HELLS: variants seen among roughly 807,000 people sequenced by gnomAD.
HELLS encodes the protein lymphoid-specific helicase.
In HELLS, 32 loss-of-function variants were observed where a neutral mutation model predicts 120.0. That is an observed-to-expected ratio of 0.27 (90% CI 0.20 to 0.36). The LOEUF (loss-of-function observed/expected upper bound fraction) is 0.36. Among genes scored for constraint, HELLS ranks in the 10% least tolerant of loss-of-function variants. The pLI, the probability that HELLS is intolerant of heterozygous loss-of-function variation, is 1.00. For synonymous variants in HELLS, 341 were observed against 323.4 expected (o/e 1.05, Z -0.58); for missense variants, 650 against 993.4 (o/e 0.65, Z 4.65).
intron 4 of HELLS, among the ~76,000 whole-genome samples, chr10:94,558,428 G>A (rs1334221919): frequency 6.6e-6 from 1 of 152,126 alleles, no homozygotes; most frequent in Non-Finnish European, 1.5e-5. Context: ...TATTTTGGAC[G>A]TTGGCAAAAT....
rs1198528682 is a variant in HELLS at position 94,545,969 on chromosome 10, T to C, written c.31+17T>C. The C allele has an allele frequency of 6.4e-7, 1 of 1,555,436 alleles. No individual in the cohort carries two copies. Among genetic ancestry groups the C allele is most frequent in the African/African-American group, 1.4e-5 (1 of 73,492 alleles). Reference sequence around the variant, plus strand: ...GCAGCGGCGGTGAGTGAGGAAAACCTTTTGGGCGCGGGTGGCAGCCTGCGG... The same window carrying C: ...GCAGCGGCGGTGAGTGAGGAAAACCCTTTGGGCGCGGGTGGCAGCCTGCGG... On this transcript the variant is annotated intron_variant, in intron 1 of 21. Coordinates refer to ENST00000348459, the MANE Select transcript of HELLS (RefSeq NM_018063.5).
chr10:94,611,446 A>T (rs1289777658), exon 10 of HELLS: 1 of 152,204 alleles, frequency 6.6e-6, no homozygotes, highest in Non-Finnish European at 1.5e-5. Context: ...AATAATTAAT[A>T]ATTAGTAATT....
chr10:94,549,989 C>T (rs912778883), intron 2 of HELLS, among the ~76,000 whole-genome samples: 4 of 152,100 alleles, frequency 2.6e-5, no homozygotes, highest in East Asian at 1.9e-4. Context: ...GGCGCAGTCT[C>T]GGCTCACTGC....
intron 2 of HELLS, among the ~76,000 whole-genome samples, chr10:94,552,571 C>A (rs1843039636): frequency 6.6e-6 from 1 of 152,190 alleles, no homozygotes; most frequent in African/African-American, 2.4e-5. Context: ...ACACTAATGT[C>A]TCATCTGTAG....
chr10:94,590,048 C>T (rs1845402793), intron 13 of HELLS, among the ~76,000 whole-genome samples: 1 of 152,126 alleles, frequency 6.6e-6, no homozygotes, highest in African/African-American at 2.4e-5. Flanking sequence ...TACAAATTTA[C>T]ATTATTTGTC....
chr10:94,555,812 A>G (rs1178200414), intron 3 of HELLS, among the ~76,000 whole-genome samples: 1 of 152,046 alleles, frequency 6.6e-6, no homozygotes, highest in Admixed American at 6.6e-5. Flanking sequence ...TATTTTTTGT[A>G]GAGACAGTTT....
intron 17 of HELLS, 87 bp downstream of exon 17, chr10:94,592,601 A>C: frequency 1.1e-6 from 1 of 890,864 alleles, no homozygotes; most frequent in Non-Finnish European, 1.6e-6. Flanking sequence ...TAGACCCACA[A>C]ATTGATAAAA....
intron 17 of HELLS, 111 bp from the exon 18 acceptor site, chr10:94,593,388 T>A: frequency 1.5e-6 from 1 of 648,590 alleles, no homozygotes; most frequent in East Asian, 2.6e-5. Flanking sequence ...ATGATTTGTT[T>A]GGCCTCCTTT....
chr10:94,570,315 T>G (rs929219432), intron 6 of HELLS: 42 of 152,190 alleles, frequency 2.8e-4, no homozygotes, highest in Non-Finnish European at 5.7e-4. Flanking sequence ...ATTTCCAAAT[T>G]GTTCTTTCAA....
intron 21 of HELLS, among the ~76,000 whole-genome samples, chr10:94,598,625 T>TA: frequency 7.0e-6 from 1 of 142,928 alleles, no homozygotes; most frequent in South Asian, 2.3e-4. Context: ...TTTTTTTTTT[T>TA]AATCAGATGT....
chr10:94,609,011 CTTTTTTTT>C (rs71031590), intron 9 of HELLS, among the ~76,000 whole-genome samples: 4 of 68,200 alleles, frequency 5.9e-5, no homozygotes, highest in African/African-American at 2.3e-4. Context: ...GTATCCACCT[CTTTTTTTT>C]TTTTTTTTTT....
At chr10:94,576,954 G>A in intron 10 of HELLS, 149 bp downstream of exon 10, 1 of 652,732 alleles carries the variant, frequency 1.5e-6, no homozygotes, top group Non-Finnish European at 2.6e-6. Flanking sequence ...GTAGAAGCTG[G>A]AAACTTTTAT....
At chr10:94,578,931 C>T (rs1844663393) in intron 10 of HELLS, among the ~76,000 whole-genome samples, 1 of 152,104 alleles carries the variant, frequency 6.6e-6, no homozygotes, top group African/African-American at 2.4e-5. Flanking sequence ...ATAATGTGAG[C>T]AGTGGGGAGT....
rs1439389730 is a variant in HELLS, at chr10:94,592,306, T to G, written c.1845T>G (p.Gly615=). 6.2e-7 allele frequency: 1 copy of G among 1,607,906 alleles called. No homozygotes were observed. The highest frequency in any genetic ancestry group is 8.5e-7 in the Non-Finnish European group (1 of 1,177,472). ...DRMLPELKKR[G]HKVLLFSQMT... The stretch of plus-strand genomic sequence containing the variant: ...TGCTGCCAGAACTAAAAAAAAGAGG[T>G]CACAAGGTGGTACTTTTGATTGGAA... Residue 615 remains glycine (G), a synonymous_variant, in exon 16 of 22, where the codon GGT becomes GGG. Coordinates refer to ENST00000348459, the MANE Select transcript of HELLS (RefSeq NM_018063.5).
At chr10:94,594,541 A>G (rs527371670) in intron 18 of HELLS, among the ~76,000 whole-genome samples, 154 bp from the exon 19 acceptor site, 1 of 152,286 alleles carries the variant, frequency 6.6e-6, no homozygotes, top group East Asian at 1.9e-4. Flanking sequence ...CTGTGGAATG[A>G]TAATTTTGTC....
chr10:94,574,492 A>G (rs1844335996), intron 8 of HELLS, 62 bp from the exon 9 acceptor site: 1 of 1,232,422 alleles, frequency 8.1e-7, no homozygotes, highest in Admixed American at 2.0e-5. Flanking sequence ...AAGAAATAAA[A>G]TATTGTAATC....
chr10:94,604,710 T>A (rs1353490804), downstream of HELLS, among the ~76,000 whole-genome samples: 1 of 152,212 alleles, frequency 6.6e-6, no homozygotes, highest in African/African-American at 2.4e-5. Flanking sequence ...TAATTACTTT[T>A]ATTATGGCTG....
chr10:94,596,369 C>T (rs1845740064), intron 19 of HELLS, among the ~76,000 whole-genome samples: 1 of 152,120 alleles, frequency 6.6e-6, no homozygotes, highest in Admixed American at 6.6e-5. Flanking sequence ...CTCCCCTTAC[C>T]ATCACTAGGA....
At position 94,573,130 on chromosome 10, in the gene HELLS, T is replaced by C. The variant is rs1309968929; in HGVS notation, c.478-830T>C. Among the ~76,000 whole-genome samples the C allele has an allele frequency of 1.1e-4, 15 of 137,158 alleles. 1 individual carries two copies. Among genetic ancestry groups the C allele is most frequent in the Admixed American group, 1.1e-3 (15 of 13,852 alleles). 90.0% of individuals were successfully genotyped at this position (137,158 alleles called of 152,430 possible). On this transcript the variant is annotated intron_variant, in intron 7 of 21. Transcript: ENST00000348459. ...TCATGCCACCATGTTCAGCTAATTT[T>C]TGTATTTTTAGTAGAGACAGTGTGT...
Sources: allele counts gnomAD v4.1 joint callset (sites outside exome capture counted in the v4.1 genomes callset), GRCh38; gene constraint gnomAD v4.1.1; transcripts MANE v1.5; gene names NCBI Gene and HGNC (gene_info 2026-07-23, HGNC 2026-07-21).